Variants in NDRG1 observed in about 807,000 individuals in gnomAD.
NDRG1 encodes the protein protein NDRG1.
A neutral mutation model predicts 56.9 loss-of-function variants in NDRG1; 32 were observed. The ratio of observed to expected loss-of-function variants is 0.56; its 90% CI spans 0.42 to 0.76. The LOEUF (loss-of-function observed/expected upper bound fraction) is 0.76. Ranked by LOEUF, NDRG1 falls within the 30% of genes least tolerant of loss-of-function variation. The probability of loss-of-function intolerance (pLI) is 0.00; values close to 1 mark genes in which losing one functional copy is unlikely to be tolerated. For missense variants in NDRG1, 507 were observed against 545.7 expected (o/e 0.93, Z 0.71); for synonymous variants, 211 against 204.1 (o/e 1.03, Z -0.29).
intron 1 of NDRG1, among the ~76,000 whole-genome samples, chr8:133,293,811 T>C (rs1323444159): frequency 6.6e-6 from 1 of 152,160 alleles, no homozygotes; most frequent in Non-Finnish European, 1.5e-5. Flanking sequence ...GGCCTGGAAA[T>C]GTGCATTTCA....
At chr8:133,256,429 T>G (rs1279567247) in intron 8 of NDRG1, among the ~76,000 whole-genome samples, 1 of 152,204 alleles carries the variant, frequency 6.6e-6, no homozygotes, top group Non-Finnish European at 1.5e-5. Flanking sequence ...CAAGAAGTCT[T>G]GTTCTTCAAG....
chr8:133,265,892 G>A (rs540450842), intron 3 of NDRG1, among the ~76,000 whole-genome samples: 1 of 152,358 alleles, frequency 6.6e-6, no homozygotes, highest in South Asian at 2.1e-4. Flanking sequence ...AAGTTCCCGA[G>A]GACCCCAGTC....
intron 1 of NDRG1, chr8:133,296,426 C>G: frequency 4.4e-6 from 2 of 454,454 alleles, no homozygotes; most frequent in South Asian, 3.1e-5. Flanking sequence ...CAGTGGCGCT[C>G]GCAGACACTT....
rs374160497 is a variant in NDRG1 at position 133,262,066 on chromosome 8, C to A, written c.307G>T (p.Ala103Ser). Residue 103 changes from alanine (A) to serine (S), a missense_variant, in exon 5 of 16, where the codon GCA becomes TCA. Transcript: ENST00000323851. ...TCTCACCCTGCGGGGAAGGAGGCTG[C>A]GCCGTCCTGCTGGCCAGGGGCGTCC... is the stretch of plus-strand genomic sequence containing the variant. ...HVDAPGQQDG[A>S]ASFPAGYMYP... is the part of the protein sequence containing the mutation. The A allele has an allele frequency of 2.6e-5, 42 of 1,613,344 alleles. No homozygotes were observed. Among genetic ancestry groups the A allele is most frequent in the Non-Finnish European group, 3.3e-5 (39 of 1,179,602 alleles).
At chr8:133,294,257 C>T (rs553830486) in intron 1 of NDRG1, among the ~76,000 whole-genome samples, 1 of 152,356 alleles carries the variant, frequency 6.6e-6, no homozygotes, top group East Asian at 1.9e-4. Flanking sequence ...CATATGGCAA[C>T]AGGCAAATCC....
chr8:133,251,813 T>C (rs763669599), intron 9 of NDRG1, among the ~76,000 whole-genome samples: 19 of 152,138 alleles, frequency 1.2e-4, no homozygotes, highest in Non-Finnish European at 2.4e-4. Context: ...GATCTTGAGA[T>C]GAGATAATCC....
intron 1 of NDRG1, chr8:133,296,446 C>A: frequency 2.2e-6 from 1 of 455,364 alleles, no homozygotes. Flanking sequence ...TGCTCCGGCT[C>A]GCGTGTTGCA....
chr8:133,267,662 T>C (rs544512600), intron 3 of NDRG1, among the ~76,000 whole-genome samples: 2 of 152,274 alleles, frequency 1.3e-5, no homozygotes, highest in East Asian at 3.9e-4. Context: ...ACATTCTTCA[T>C]TGTCTCCCCA....
intron 13 of NDRG1, 184 bp from the exon 14 acceptor site, chr8:133,244,574 G>A (rs1050559016): frequency 2.9e-6 from 2 of 688,824 alleles, no homozygotes; most frequent in Non-Finnish European, 5.2e-6. Context: ...AAGGCTGCTG[G>A]TGTCTCCGTG....
At chr8:133,243,603 TCC>T (rs1436879250) in intron 14 of NDRG1, among the ~76,000 whole-genome samples, 1 of 152,220 alleles carries the variant, frequency 6.6e-6, no homozygotes, top group Non-Finnish European at 1.5e-5. Context: ...CTCGTTGCAC[TCC>T]TCTGAAGCTC....
chr8:133,289,538 G>C (rs1426877345), intron 1 of NDRG1, among the ~76,000 whole-genome samples: 1 of 152,140 alleles, frequency 6.6e-6, no homozygotes. Context: ...GTCTGTCAAT[G>C]AGTAATGAGG....
rs913033825 is a variant in NDRG1 at position 133,284,117 on chromosome 8, GTGTATGC to G, written c.63+125_63+131del. On this transcript the variant is annotated intron_variant, in intron 2 of 15. Transcript: ENST00000323851. ...TGTGTGCAGCATGTTTGTATGCCGT[GTGTATGC>G]TGTATACATGTGTATTTGTGCAGTG... 15 of 800,240 alleles carry G rather than the reference GTGTATGC, an allele frequency of 1.9e-5. No individual in the cohort carries two copies. The African/African-American group carries it at 2.2e-4, about 12-fold the overall frequency. 49.6% of individuals were successfully genotyped at this position (800,240 alleles called of 1,614,324 possible).
At chr8:133,280,171 G>C (rs965519744) in intron 3 of NDRG1, 61 bp downstream of exon 3, 24 of 1,593,754 alleles carry the variant, frequency 1.5e-5, no homozygotes, top group Non-Finnish European at 2.1e-5. Flanking sequence ...CCAATGGAAA[G>C]AAAAAGGAAA....
intron 12 of NDRG1, 35 bp downstream of exon 12, chr8:133,247,840 A>G: frequency 1.2e-6 from 2 of 1,612,444 alleles, no homozygotes; most frequent in Non-Finnish European, 1.7e-6. Context: ...TGCCTGTTGA[A>G]TTAAACACAG....
chr8:133,246,051 C>A (rs1033278824), intron 13 of NDRG1, among the ~76,000 whole-genome samples: 1 of 152,258 alleles, frequency 6.6e-6, no homozygotes, highest in African/African-American at 2.4e-5. Context: ...CAGGGGTGCA[C>A]CCCGGCTGAG....
intron 4 of NDRG1, among the ~76,000 whole-genome samples, chr8:133,263,807 T>C (rs551661979): frequency 6.6e-6 from 1 of 151,348 alleles, no homozygotes; most frequent in African/African-American, 2.4e-5. Context: ...TCCCAGGTAC[T>C]TGGGAGGCTG....
In NDRG1 at chr8:133,266,855, G is replaced by A. The variant is rs767331178; in HGVS notation, c.100-2203C>T. Among the ~76,000 whole-genome samples, 33 of 152,154 alleles carry A rather than the reference G, an allele frequency of 2.2e-4. 1 individual carries two copies. Among genetic ancestry groups the A allele is most frequent in the Non-Finnish European group, 4.4e-4 (30 of 68,034 alleles). On this transcript the variant is annotated intron_variant, in intron 3 of 15. Coordinates refer to ENST00000323851, the MANE Select transcript of NDRG1 (RefSeq NM_006096.4). ...GGGTCCTCTGAGAAAGGAGAAAGAGGATTTAACCCACTGGGGGGTTGCTGG... is the reference window on the plus strand; with the variant it reads ...GGGTCCTCTGAGAAAGGAGAAAGAGAATTTAACCCACTGGGGGGTTGCTGG...
chr8:133,251,259 G>A (rs746196872), intron 9 of NDRG1, among the ~76,000 whole-genome samples: 4 of 152,222 alleles, frequency 2.6e-5, no homozygotes, highest in Non-Finnish European at 5.9e-5. Flanking sequence ...GGCAGACACT[G>A]TAGGTTTCAC....
chr8:133,245,537 G>C (rs942310565), intron 13 of NDRG1, among the ~76,000 whole-genome samples: 64 of 152,200 alleles, frequency 4.2e-4, no homozygotes, highest in African/African-American at 1.5e-3. Context: ...AGTGAGGATG[G>C]AGGCAGAGAC....
Sources: allele counts gnomAD v4.1 joint callset (sites outside exome capture counted in the v4.1 genomes callset), GRCh38; gene constraint gnomAD v4.1.1; transcripts MANE v1.5; gene names NCBI Gene and HGNC (gene_info 2026-07-23, HGNC 2026-07-21).